TXLNB: variants seen among roughly 807,000 people sequenced by gnomAD.
The protein encoded by TXLNB is beta-taxilin.
TXLNB carries 37 observed loss-of-function variants against 57.4 expected under a neutral mutation model. The ratio of observed to expected loss-of-function variants is 0.64; its 90% CI spans 0.50 to 0.85. The LOEUF is 0.85. TXLNB is among the 40% of genes least tolerant of loss of function. The pLI is 0.00. For synonymous variants in TXLNB, 302 were observed against 309.6 expected (o/e 0.98, Z 0.26); for missense variants, 848 against 825.6 (o/e 1.03, Z -0.33).
intron 4 of TXLNB, chr6:139,268,988 C>T (rs766948920): frequency 3.9e-5 from 6 of 152,310 alleles, no homozygotes; most frequent in Admixed American, 1.3e-4. Context: ...CAGGCTCGAA[C>T]TTCTGGGCTC....
intron 7 of TXLNB, among the ~76,000 whole-genome samples, chr6:139,253,234 C>A (rs1002893951): frequency 6.6e-6 from 1 of 152,164 alleles, no homozygotes; most frequent in South Asian, 2.1e-4. Context: ...AGACACTGAG[C>A]AAAATGCTTT....
At chr6:139,211,668 G>C in the TXLNB span, among the ~76,000 whole-genome samples, 1 of 152,130 alleles carries the variant, frequency 6.6e-6, no homozygotes, top group Non-Finnish European at 1.5e-5. Flanking sequence ...GGCTTCAGAA[G>C]ATCAAACCAC....
At chr6:139,269,022 C>G (rs974185066) in intron 4 of TXLNB, 9 of 152,324 alleles carry the variant, frequency 5.9e-5, no homozygotes, top group Non-Finnish European at 8.8e-5. Context: ...GCTTCAGCCT[C>G]CCAAGTAGCT....
chr6:139,242,800 G>C lies in TXLNB; in HGVS notation c.1781C>G (p.Pro594Arg), dbSNP rs142843391. The C allele has an allele frequency of 6.2e-7, 1 of 1,614,156 alleles. No homozygotes were observed. The change falls in exon 10 of 10, where the codon CCT becomes CGT. Residue 594 changes from proline (P) to arginine (R), a missense_variant. Transcript: ENST00000358430. ...CGCCTGATCAGCCTGTGCTCCAACA[G>C]GGAGACCCTCGCATTGGGTTTCTGC... The part of the protein sequence containing the change: ...LGAETQCEGL[P>R]VGAQADQASW...
chr6:139,209,397 T>C, the TXLNB span, among the ~76,000 whole-genome samples: 14 of 152,144 alleles, frequency 9.2e-5, no homozygotes, highest in African/African-American at 3.4e-4. Context: ...TTTAATGCAA[T>C]TCCCATCAAA....
Position 139,240,264 on chromosome 6 carries a change from C to G in TXLNB, c.*2262G>C, listed in dbSNP as rs1220903073. On this transcript the variant is annotated 3_prime_UTR_variant, in exon 10 of 10. Transcript: ENST00000358430. The stretch of plus-strand genomic sequence containing the variant: ...TAAGGCTAAATTTTAACACAAAGGA[C>G]TATAATAAAACATTCTTTGAATATT... 1 of 152,592 alleles carries G rather than the reference C, an allele frequency of 6.6e-6. No individual in the cohort carries two copies. The highest frequency in any genetic ancestry group is 1.5e-5 in the Non-Finnish European group (1 of 68,028). 9.5% of individuals were successfully genotyped at this position (152,592 alleles called of 1,614,324 possible).
chr6:139,231,406 G>T, the TXLNB span, among the ~76,000 whole-genome samples: 1 of 152,152 alleles, frequency 6.6e-6, no homozygotes, highest in African/African-American at 2.4e-5. Flanking sequence ...AGCAGACAGG[G>T]TCAAGGTGTG....
chr6:139,277,027 A>C (rs966300029), intron 2 of TXLNB, 106 bp from the exon 3 acceptor site: 67 of 768,556 alleles, frequency 8.7e-5, no homozygotes, highest in Non-Finnish European at 1.2e-4. Context: ...ACCTTGGCTA[A>C]GCCATTCATC....
Position 139,242,262 on chromosome 6 carries a change from A to G in TXLNB, c.*264T>C, listed in dbSNP as rs753795410. On this transcript the variant is annotated 3_prime_UTR_variant, in exon 10 of 10. Transcript: ENST00000358430. ...AGTATTATCTTAACAGAAAAGGAATATAAATTTGCTATCTGTATGTTTTGT... is the reference window on the plus strand; with the variant it reads ...AGTATTATCTTAACAGAAAAGGAATGTAAATTTGCTATCTGTATGTTTTGT... The G allele has an allele frequency of 1.3e-5, 4 of 318,670 alleles. No individual in the cohort carries two copies. The highest frequency in any genetic ancestry group is 2.1e-5 in the African/African-American group (1 of 46,906). 19.7% of individuals were successfully genotyped at this position (318,670 alleles called of 1,614,324 possible).
chr6:139,321,719 C>A, the TXLNB span, among the ~76,000 whole-genome samples: 1 of 147,324 alleles, frequency 6.8e-6, no homozygotes, highest in Non-Finnish European at 1.5e-5. Context: ...GCAAGCTCCA[C>A]CTCCCGGGTT....
chr6:139,295,051 T>C (rs1414974479), upstream of TXLNB, among the ~76,000 whole-genome samples: 1 of 152,192 alleles, frequency 6.6e-6, no homozygotes, highest in East Asian at 1.9e-4. Flanking sequence ...TATAGCAGCC[T>C]GAATAGATGA....
chr6:139,189,444 T>G, the TXLNB span, among the ~76,000 whole-genome samples: 1 of 152,222 alleles, frequency 6.6e-6, no homozygotes, highest in East Asian at 1.9e-4. Context: ...GCCTCTATAT[T>G]GAGGTTAGAG....
chr6:139,188,381 G>T, the TXLNB span, among the ~76,000 whole-genome samples: 89,653 of 152,002 alleles, frequency 0.59, 27,487 homozygotes, highest in Non-Finnish European at 0.63. Flanking sequence ...TTTTTCCCTA[G>T]TTGGGTCAGC....
chr6:139,300,076 C>T, the TXLNB span, among the ~76,000 whole-genome samples: 1 of 152,082 alleles, frequency 6.6e-6, no homozygotes, highest in Non-Finnish European at 1.5e-5. Flanking sequence ...TCTTCTCTCC[C>T]TTACGTGAGT....
At chr6:139,233,430 T>TATAG in the TXLNB span, among the ~76,000 whole-genome samples, 1 of 114,606 alleles carries the variant, frequency 8.7e-6, no homozygotes, top group African/African-American at 3.3e-5. Context: ...TATAAATAAA[T>TATAG]ATAGATAGAT....
At chr6:139,173,810 A>T in the TXLNB span, among the ~76,000 whole-genome samples, 1 of 152,244 alleles carries the variant, frequency 6.6e-6, no homozygotes, top group Non-Finnish European at 1.5e-5. Context: ...CTTCTTTTAA[A>T]AAATTACGAG....
the TXLNB span, among the ~76,000 whole-genome samples, chr6:139,316,338 G>C: frequency 6.6e-6 from 1 of 151,582 alleles, no homozygotes; most frequent in Non-Finnish European, 1.5e-5. Flanking sequence ...ATATGATCAG[G>C]TTTCTTATCC....
the TXLNB span, among the ~76,000 whole-genome samples, chr6:139,202,700 TTG>T: frequency 6.6e-6 from 1 of 152,250 alleles, no homozygotes; most frequent in African/African-American, 2.4e-5. Context: ...TTATCATTTT[TTG>T]TGTTAGAAAC....
the TXLNB span, among the ~76,000 whole-genome samples, chr6:139,212,017 G>A: frequency 6.6e-6 from 1 of 152,212 alleles, no homozygotes; most frequent in East Asian, 1.9e-4. Flanking sequence ...GTACCTGAAA[G>A]TGACAGGGAG....
Sources: allele counts gnomAD v4.1 joint callset (sites outside exome capture counted in the v4.1 genomes callset), GRCh38; gene constraint gnomAD v4.1.1; transcripts MANE v1.5; gene names NCBI Gene and HGNC (gene_info 2026-07-23, HGNC 2026-07-21).